Variants in TMC1 observed in about 807,000 individuals in gnomAD.
The protein encoded by TMC1 is transmembrane channel-like protein 1.
A neutral mutation model predicts 105.8 loss-of-function variants in TMC1; 84 were observed. That is an observed-to-expected ratio of 0.79 (90% CI 0.67 to 0.95). The LOEUF is 0.95. Among genes scored for constraint, TMC1 ranks in the 40% least tolerant of loss-of-function variants. TMC1 has a pLI of 0.00. For missense variants in TMC1, 817 were observed against 914.1 expected (o/e 0.89, Z 1.37); for synonymous variants, 315 against 311.5 (o/e 1.01, Z -0.12).
At chr9:72,563,826 G>A (rs1003030358) in intron 1 of TMC1, among the ~76,000 whole-genome samples, 1 of 142,588 alleles carries the variant, frequency 7.0e-6, no homozygotes. Context: ...CTTGAACCTC[G>A]AAGGTGGAGG....
chr9:72,581,842 A>T (rs1564425176), intron 2 of TMC1, among the ~76,000 whole-genome samples: 3 of 151,996 alleles, frequency 2.0e-5, no homozygotes, highest in African/African-American at 7.3e-5. Context: ...AATAGTCTGA[A>T]TTTTTTTTGT....
chr9:72,546,499 G>A (rs1823771330), intron 1 of TMC1, among the ~76,000 whole-genome samples: 2 of 152,310 alleles, frequency 1.3e-5, no homozygotes, highest in South Asian at 4.1e-4. Context: ...CGTCAGACCA[G>A]CATATTTTGT....
intron 1 of TMC1, among the ~76,000 whole-genome samples, chr9:72,526,811 G>C (rs1339502603): frequency 6.6e-6 from 1 of 152,136 alleles, no homozygotes; most frequent in Non-Finnish European, 1.5e-5. Flanking sequence ...GTCAGGCTTG[G>C]AGACCACATA....
At chr9:72,650,920 A>T (rs1368295026) in intron 5 of TMC1, among the ~76,000 whole-genome samples, 3 of 143,444 alleles carry the variant, frequency 2.1e-5, no homozygotes, top group African/African-American at 7.7e-5. Flanking sequence ...ATAGATATAT[A>T]TATAAATATA....
intron 11 of TMC1, among the ~76,000 whole-genome samples, chr9:72,752,414 T>C (rs1422466191): frequency 6.7e-6 from 1 of 150,056 alleles, no homozygotes; most frequent in Admixed American, 6.6e-5. Context: ...ATGAACATTT[T>C]CCCCCTAAGA....
At chr9:72,658,682 C>T (rs1825922571) in intron 5 of TMC1, among the ~76,000 whole-genome samples, 1 of 152,078 alleles carries the variant, frequency 6.6e-6, no homozygotes. Flanking sequence ...TCCTTCTGAG[C>T]CAAGTACATG....
chr9:72,557,257 G>T (rs1294076362), intron 1 of TMC1, among the ~76,000 whole-genome samples: 1 of 152,108 alleles, frequency 6.6e-6, no homozygotes, highest in Non-Finnish European at 1.5e-5. Context: ...TGTAATCCCA[G>T]CTATTCAGAA....
At chr9:72,741,188 A>G (rs1482928450) in intron 9 of TMC1, 4 of 167,648 alleles carry the variant, frequency 2.4e-5, no homozygotes, top group African/African-American at 4.8e-5. Flanking sequence ...AATAATGCAG[A>G]CATTTGCTAC....
At chr9:72,805,857 G>A (rs1172958555) in intron 18 of TMC1, among the ~76,000 whole-genome samples, 2 of 152,190 alleles carry the variant, frequency 1.3e-5, no homozygotes, top group Non-Finnish European at 2.9e-5. Flanking sequence ...GCACAGGGTT[G>A]GGGGCAAGGT....
chr9:72,547,775 CAT>C (rs1356637697), intron 1 of TMC1, among the ~76,000 whole-genome samples: 3 of 152,196 alleles, frequency 2.0e-5, no homozygotes, highest in Admixed American at 6.5e-5. Context: ...CTATACCCCC[CAT>C]GAACCTAGAA....
intron 1 of TMC1, among the ~76,000 whole-genome samples, chr9:72,550,194 G>A (rs539505784): frequency 2.0e-5 from 3 of 152,114 alleles, no homozygotes; most frequent in South Asian, 4.2e-4. Context: ...CAGGCCAGGC[G>A]TGGTGGCTCC....
chr9:72,712,135 T>C (rs1391506655), intron 8 of TMC1, among the ~76,000 whole-genome samples: 1 of 152,210 alleles, frequency 6.6e-6, no homozygotes, highest in Non-Finnish European at 1.5e-5. Context: ...TATATATCTG[T>C]TTTGGTACCA....
intron 1 of TMC1, among the ~76,000 whole-genome samples, chr9:72,538,757 C>G (rs1435401716): frequency 6.6e-6 from 1 of 152,088 alleles, no homozygotes; most frequent in Non-Finnish European, 1.5e-5. Context: ...CAATAAAATA[C>G]TTTTATTTCC....
intron 17 of TMC1, 115 bp downstream of exon 17, chr9:72,792,467 T>G: frequency 8.2e-7 from 1 of 1,216,038 alleles, no homozygotes; most frequent in South Asian, 1.2e-5. Flanking sequence ...AGCTAAGATT[T>G]GTTGAATGTT....
intron 11 of TMC1, 93 bp from the exon 12 acceptor site, chr9:72,754,693 C>A: frequency 1.0e-6 from 1 of 979,176 alleles, no homozygotes; most frequent in Non-Finnish European, 1.6e-6. Flanking sequence ...AAAAATGTTT[C>A]AGAAGGGCTT....
At chr9:72,598,605 C>A (rs1307297839) in intron 2 of TMC1, among the ~76,000 whole-genome samples, 1 of 152,114 alleles carries the variant, frequency 6.6e-6, no homozygotes, top group Non-Finnish European at 1.5e-5. Flanking sequence ...ACTAAATTCT[C>A]CAAGGTTGAG....
rs538089257 is a variant in TMC1, at chr9:72,610,019, C to T, written c.-305-6349C>T. The stretch of plus-strand genomic sequence containing the variant: ...TGTTACACATCTATTGACTCTACTG[C>T]TCAGTGAACTATTTGAGACCAGGAC... On this transcript the variant is annotated intron_variant, in intron 2 of 23. Transcript: ENST00000297784. Among the ~76,000 whole-genome samples the T allele has an allele frequency of 3.9e-5, 6 of 152,278 alleles. No homozygotes were observed. In the South Asian group the frequency reaches 1.2e-3, roughly 32 times the overall value.
intron 2 of TMC1, among the ~76,000 whole-genome samples, chr9:72,588,585 G>A (rs769178562): frequency 6.6e-6 from 1 of 152,036 alleles, no homozygotes; most frequent in Non-Finnish European, 1.5e-5. Context: ...AGTAAATGCT[G>A]CCAGTTTCTT....
intron 5 of TMC1, among the ~76,000 whole-genome samples, chr9:72,657,836 G>A (rs1351701111): frequency 6.6e-6 from 1 of 152,184 alleles, no homozygotes; most frequent in African/African-American, 2.4e-5. Context: ...CTATGCAGAA[G>A]CCAAATCTCT....
Sources: allele counts gnomAD v4.1 joint callset (sites outside exome capture counted in the v4.1 genomes callset), GRCh38; gene constraint gnomAD v4.1.1; transcripts MANE v1.5; gene names NCBI Gene and HGNC (gene_info 2026-07-23, HGNC 2026-07-21).